Variants in ADGRG6 observed in about 807,000 individuals in gnomAD.
ADGRG6 encodes the protein G-protein coupled receptor 126.
A neutral mutation model predicts 142.4 loss-of-function variants in ADGRG6; 84 were observed. The observed-to-expected ratio is 0.59, with a 90% CI of 0.49 to 0.71. The LOEUF is 0.71. Ranked by LOEUF, ADGRG6 falls within the 30% of genes least tolerant of loss-of-function variation. The pLI, the probability that ADGRG6 is intolerant of heterozygous loss-of-function variation, is 0.00. For missense variants in ADGRG6, 1,367 were observed against 1,466.6 expected (o/e 0.93, Z 1.11); for synonymous variants, 521 against 520.5 (o/e 1.00, Z -0.01).
At chr6:142,404,303 TG>T in intron 14 of ADGRG6, 2 of 268,350 alleles carry the variant, frequency 7.5e-6, no homozygotes, top group South Asian at 8.7e-5. Context: ...AAAAGAAGCA[TG>T]GTGCATTCTC....
At position 142,367,901 on chromosome 6, in the gene ADGRG6, T is replaced by C. The variant is rs917394949; in HGVS notation, c.436T>C (p.Tyr146His). Residue 146 changes from tyrosine (Y) to histidine (H), a missense_variant, in exon 3 of 25, where the codon TAC (tyrosine) becomes CAC (histidine). Physicochemically the swap from Tyr to His is moderately conservative, Grantham distance 83 (BLOSUM62 2). Transcript: ENST00000367609. ...SIQKKGFNAS[Y>H]IRVAVSLRNQ... ...CCAGAAGAAAGGTTTCAATGCCAGC[T>C]ACATCAGAGGTATGTAAACCAAAGG... 3 of 1,598,160 alleles carry C rather than the reference T, an allele frequency of 1.9e-6. No individual in the cohort carries two copies. In the African/African-American group the frequency reaches 4.0e-5, roughly 21 times the overall value.
chr6:142,346,417 T>G (rs914901313), intron 2 of ADGRG6, among the ~76,000 whole-genome samples: 2 of 152,184 alleles, frequency 1.3e-5, no homozygotes, highest in Non-Finnish European at 2.9e-5. Flanking sequence ...GAGCTTTCTT[T>G]CATATGTTTT....
intron 7 of ADGRG6, 37 bp downstream of exon 7, chr6:142,390,380 T>C (rs776304884): frequency 1.9e-5 from 22 of 1,179,148 alleles, no homozygotes; most frequent in Non-Finnish European, 2.7e-5. Context: ...TTAAAAAAAT[T>C]CTTTAACTTC....
At position 142,397,643 on chromosome 6, in the gene ADGRG6, T is replaced by C. The variant is rs748160683; in HGVS notation, c.1455T>C (p.Asn485=). The C allele has an allele frequency of 2.5e-6, 4 of 1,609,666 alleles. No homozygotes were observed. In the South Asian group the frequency reaches 4.4e-5, roughly 18 times the overall value. ...TGCTTTGGGCCCTTCTAGTTTACAA[T>C]GCTACCAACAATACTAATTTGGAAG... is the stretch of plus-strand genomic sequence containing the variant. ...RLVLWALLVY[N]ATNNTNLEGK... is the part of the protein sequence containing the mutation. Residue 485 remains asparagine, a synonymous_variant, in exon 10 of 25, where the codon AAT becomes AAC. Transcript: ENST00000367609.
At chr6:142,413,771 GC>G (rs1330427231) in intron 18 of ADGRG6, among the ~76,000 whole-genome samples, 1 of 152,088 alleles carries the variant, frequency 6.6e-6, no homozygotes, top group Non-Finnish European at 1.5e-5. Context: ...GATAGGGGGA[GC>G]CCCCTCAGAC....
intron 7 of ADGRG6, among the ~76,000 whole-genome samples, chr6:142,391,155 A>C (rs563254591): frequency 1.3e-5 from 2 of 151,890 alleles, no homozygotes; most frequent in East Asian, 1.9e-4. Context: ...TCTTACAAAT[A>C]CAACACATGG....
chr6:142,407,753 A>G (rs1378611006), intron 15 of ADGRG6, among the ~76,000 whole-genome samples: 2 of 152,192 alleles, frequency 1.3e-5, no homozygotes, highest in African/African-American at 4.8e-5. Context: ...TTTTCACACC[A>G]TATTTTCTTC....
chr6:142,337,106 A>G (rs1357379097), intron 2 of ADGRG6, among the ~76,000 whole-genome samples: 1 of 152,158 alleles, frequency 6.6e-6, no homozygotes, highest in Non-Finnish European at 1.5e-5. Context: ...TTTCACAGGT[A>G]CTCCATCTAA....
At chr6:142,392,688 A>G (rs1346893834) in intron 7 of ADGRG6, among the ~76,000 whole-genome samples, 2 of 151,968 alleles carry the variant, frequency 1.3e-5, no homozygotes, top group African/African-American at 2.4e-5. Context: ...GTTTCTTTAT[A>G]TATAAGACTA....
chr6:142,374,957 A>T (rs1167906506), intron 4 of ADGRG6, among the ~76,000 whole-genome samples: 1 of 152,196 alleles, frequency 6.6e-6, no homozygotes, highest in Non-Finnish European at 1.5e-5. Flanking sequence ...CAAGTATACA[A>T]TCATTGTTAT....
intron 23 of ADGRG6, 144 bp downstream of exon 23, chr6:142,437,679 A>G: frequency 1.7e-6 from 1 of 602,198 alleles, no homozygotes; most frequent in Non-Finnish European, 3.0e-6. Context: ...GAATCATAGA[A>G]TATCAGGGCT....
intron 2 of ADGRG6, among the ~76,000 whole-genome samples, chr6:142,349,292 A>T (rs527682362): frequency 8.6e-4 from 131 of 152,350 alleles, no homozygotes; most frequent in Non-Finnish European, 2.2e-4. Context: ...ATCTTGGAGC[A>T]ACACCTCTGT....
At chr6:142,331,585 T>C (rs1201981813) in intron 2 of ADGRG6, among the ~76,000 whole-genome samples, 1 of 152,230 alleles carries the variant, frequency 6.6e-6, no homozygotes, top group South Asian at 2.1e-4. Context: ...CTTTCCTTGA[T>C]GAAAATAGTC....
chr6:142,327,265 C>A (rs926920489), intron 2 of ADGRG6, among the ~76,000 whole-genome samples: 43 of 150,548 alleles, frequency 2.9e-4, no homozygotes, highest in African/African-American at 1.0e-3. Flanking sequence ...AAGAGGAATT[C>A]ATTAAAAAAA....
At chr6:142,340,860 A>G (rs994749127) in intron 2 of ADGRG6, among the ~76,000 whole-genome samples, 1 of 152,076 alleles carries the variant, frequency 6.6e-6, no homozygotes, top group Non-Finnish European at 1.5e-5. Context: ...TCTCATAGTT[A>G]AATGTGTAGA....
chr6:142,414,076 T>A (rs916679864), intron 18 of ADGRG6, among the ~76,000 whole-genome samples: 3 of 152,074 alleles, frequency 2.0e-5, no homozygotes, highest in Admixed American at 6.6e-5. Context: ...ATTCAATACA[T>A]CCCTTCTGTA....
At chr6:142,372,750 A>G (rs930640619) in intron 4 of ADGRG6, among the ~76,000 whole-genome samples, 25 of 152,162 alleles carry the variant, frequency 1.6e-4, no homozygotes, top group African/African-American at 6.0e-4. Context: ...TCAGGTGTGT[A>G]TGTTTGGTGT....
At chr6:142,388,217 C>T (rs1782126567) in intron 6 of ADGRG6, among the ~76,000 whole-genome samples, 1 of 152,084 alleles carries the variant, frequency 6.6e-6, no homozygotes, top group Admixed American at 6.5e-5. Context: ...TACTTGTTGA[C>T]TGCACTATTC....
intron 2 of ADGRG6, among the ~76,000 whole-genome samples, chr6:142,334,623 T>G (rs1369692596): frequency 6.6e-6 from 1 of 151,836 alleles, no homozygotes; most frequent in Non-Finnish European, 1.5e-5. Context: ...CACTGGAGAG[T>G]CAGGTAGCTG....
Sources: allele counts gnomAD v4.1 joint callset (sites outside exome capture counted in the v4.1 genomes callset), GRCh38; gene constraint gnomAD v4.1.1; transcripts MANE v1.5; gene names NCBI Gene and HGNC (gene_info 2026-07-23, HGNC 2026-07-21).